LRRFIP2: variants seen among roughly 807,000 people sequenced by gnomAD.
The protein encoded by LRRFIP2 is leucine-rich repeat flightless-interacting protein 2.
LRRFIP2 carries 109 observed loss-of-function variants against 125.9 expected under a neutral mutation model. The observed-to-expected ratio is 0.87, with a 90% CI of 0.74 to 1.01. The LOEUF (loss-of-function observed/expected upper bound fraction) is 1.01, where lower values mean the gene tolerates loss of function less well. Among genes scored for constraint, LRRFIP2 ranks in the 50% least tolerant of loss-of-function variants. The probability of loss-of-function intolerance (pLI) is 0.00; values close to 1 mark genes in which losing one functional copy is unlikely to be tolerated. For synonymous variants in LRRFIP2, 291 were observed against 293.1 expected, an observed-to-expected ratio of 0.99 and a Z score of 0.07; for missense variants, 850 against 862.3, an observed-to-expected ratio of 0.99 and a Z score of 0.18.
intron 21 of LRRFIP2, among the ~76,000 whole-genome samples, 173 bp downstream of exon 21, chr3:37,072,617 C>T (rs1245315139): frequency 2.0e-5 from 3 of 151,886 alleles, no homozygotes; most frequent in African/African-American, 7.3e-5. Context: ...AGAGTTCTTC[C>T]AGGCACAACG....
intron 1 of LRRFIP2, among the ~76,000 whole-genome samples, chr3:37,168,227 T>G (rs57573958): frequency 0.031 from 4,714 of 152,192 alleles, 234 homozygotes; most frequent in African/African-American, 0.1. Context: ...AAACAGACAT[T>G]TGCATACTCA....
chr3:37,119,349 T>C (rs575489238), intron 6 of LRRFIP2, among the ~76,000 whole-genome samples: 28 of 152,340 alleles, frequency 1.8e-4, no homozygotes, highest in Admixed American at 1.5e-3. Flanking sequence ...CATTCTGGTA[T>C]ATAGTTATTA....
chr3:37,065,712 C>A, intron 23 of LRRFIP2, 98 bp downstream of exon 23: 2 of 1,458,566 alleles, frequency 1.4e-6, no homozygotes, highest in Non-Finnish European at 1.9e-6. Flanking sequence ...TGAGTCTCAG[C>A]CCTTATGCTG....
chr3:37,087,553 T>C (rs772760773), intron 18 of LRRFIP2, among the ~76,000 whole-genome samples: 3 of 152,202 alleles, frequency 2.0e-5, no homozygotes, highest in Non-Finnish European at 4.4e-5. Context: ...CTCACTCACA[T>C]AGTGATACCC....
intron 2 of LRRFIP2, among the ~76,000 whole-genome samples, chr3:37,132,870 C>T (rs2095462986): frequency 6.6e-6 from 1 of 152,146 alleles, no homozygotes; most frequent in South Asian, 2.1e-4. Context: ...TTTTAATATA[C>T]ACCTCATACA....
rs776532952 is a variant in LRRFIP2, at chr3:37,148,985, T to G, written c.-2A>C. 1 of 1,613,902 alleles carries G rather than the reference T, an allele frequency of 6.2e-7. No homozygotes were observed. Among genetic ancestry groups the G allele is most frequent in the African/African-American group, 1.3e-5 (1 of 74,944 alleles). On this transcript the variant is annotated 5_prime_UTR_variant, in exon 2 of 28. Transcript: ENST00000336686. The stretch of plus-strand genomic sequence containing the variant: ...CCTTCCAGAAGCAGGAGTCCCCATC[T>G]TGTGTTCTTAATAGTCTTTTAACTT...
At position 37,053,969 on chromosome 3, in the gene LRRFIP2, C is replaced by T. The variant is rs1417260873; in HGVS notation, c.2056-8G>A. ...GTCCAGTGCTGTTCGTAACTGGAGA[C>T]AGGGAGAATGCAGTCACTACATGTG... On this transcript the variant is annotated splice_region_variant and splice_polypyrimidine_tract_variant and intron_variant, in intron 27 of 27. Transcript: ENST00000336686. 2.0e-6 allele frequency: 3 copies of T among 1,505,918 alleles called. No individual in the cohort carries two copies. The highest frequency in any genetic ancestry group is 1.7e-4 in the Middle Eastern group (1 of 5,874). The allele number at this position is 1,505,918 out of a possible 1,614,324, so 93.3% of individuals were successfully genotyped here.
At chr3:37,110,433 G>A (rs2094507760) in intron 9 of LRRFIP2, among the ~76,000 whole-genome samples, 1 of 152,126 alleles carries the variant, frequency 6.6e-6, no homozygotes. Context: ...TATTTTAAAT[G>A]TACTGTGTGC....
intron 15 of LRRFIP2, among the ~76,000 whole-genome samples, chr3:37,097,083 A>G (rs779097357): frequency 6.6e-6 from 1 of 152,100 alleles, no homozygotes; most frequent in Non-Finnish European, 1.5e-5. Flanking sequence ...GATAAAGACT[A>G]GTACACTCAG....
chr3:37,129,802 AG>A lies in LRRFIP2; in HGVS notation c.91-654del, dbSNP rs148488736. ...GAGGCCAAGAGTTTGAGACCAGCTT[AG>A]GCAACATGATGAAACCCTGTCTCTA... On this transcript the variant is annotated intron_variant, in intron 2 of 27. Coordinates refer to ENST00000336686, the MANE Select transcript of LRRFIP2 (RefSeq NM_006309.4). Among the ~76,000 whole-genome samples the A allele has an allele frequency of 9.1e-3, 1,385 of 152,238 alleles. 25 individuals carry two copies. Among genetic ancestry groups the A allele is most frequent in the African/African-American group, 0.032 (1,323 of 41,548 alleles).
intron 23 of LRRFIP2, chr3:37,065,224 A>G: frequency 5.5e-6 from 1 of 181,262 alleles, no homozygotes; most frequent in South Asian, 1.3e-4. Flanking sequence ...TTTCTCAGAC[A>G]GAGGTGTCAG....
chr3:37,105,183 A>G (rs1292630059), intron 14 of LRRFIP2, among the ~76,000 whole-genome samples: 1 of 152,356 alleles, frequency 6.6e-6, no homozygotes, highest in South Asian at 2.1e-4. Context: ...TATGTGCATA[A>G]AACAGCAACA....
Position 37,072,900 on chromosome 3 carries a change from A to T in LRRFIP2, c.1372-18T>A, listed in dbSNP as rs374777939. The T allele has an allele frequency of 2.4e-5, 37 of 1,526,790 alleles. No homozygotes were observed. Among genetic ancestry groups the T allele is most frequent in the Non-Finnish European group, 3.1e-5 (34 of 1,108,518 alleles). 94.6% of individuals were successfully genotyped at this position (1,526,790 alleles called of 1,614,324 possible). A position where few individuals can be genotyped will look rare whatever the true frequency, so the allele number is the denominator to read the frequency against. On this transcript the variant is annotated intron_variant, in intron 20 of 27. Coordinates refer to ENST00000336686, the MANE Select transcript of LRRFIP2 (RefSeq NM_006309.4). Reference sequence around the variant, plus strand: ...TGCTTCTCCTGCAGAGGAAGAGGGGAAGAGAAGTAATAAAAGAGCAGAAAG... The same window carrying T: ...TGCTTCTCCTGCAGAGGAAGAGGGGTAGAGAAGTAATAAAAGAGCAGAAAG...
At chr3:37,149,139 C>G (rs1199839733) in intron 1 of LRRFIP2, 101 bp from the exon 2 acceptor site, 1 of 798,560 alleles carries the variant, frequency 1.3e-6, no homozygotes, top group Admixed American at 3.3e-5. Flanking sequence ...CACCAAATAC[C>G]TCTTCCCACT....
intron 1 of LRRFIP2, among the ~76,000 whole-genome samples, chr3:37,151,129 C>T (rs746341370): frequency 1.4e-4 from 21 of 152,080 alleles, no homozygotes; most frequent in Non-Finnish European, 2.5e-4. Context: ...GAGGCCAAGG[C>T]GGGCAAATCA....
intron 1 of LRRFIP2, among the ~76,000 whole-genome samples, chr3:37,157,571 GA>G (rs955616030): frequency 6.6e-6 from 1 of 152,036 alleles, no homozygotes; most frequent in Non-Finnish European, 1.5e-5. Context: ...GGGAAAAGAG[GA>G]AGGAGGGAGG....
In LRRFIP2 at chr3:37,060,102, T is replaced by A. The variant is rs530656254; in HGVS notation, c.1750-1192A>T. 8.5e-5 allele frequency among the ~76,000 whole-genome samples: 13 copies of A among 152,186 alleles called. No individual in the cohort carries two copies. The East Asian group carries it at 2.5e-3, about 29-fold the overall frequency. ...TCCTCTGCAGTCTTCCTCACAAGGG[T>A]CTGTACGACCACTAACCTTCATCTC... is the stretch of plus-strand genomic sequence containing the variant. On this transcript the variant is annotated intron_variant, in intron 24 of 27. Transcript: ENST00000336686. The surrounding 1 kb of genome is among the most constrained non-coding windows in gnomAD (Gnocchi z 4.1).
At position 37,103,029 on chromosome 3, in the gene LRRFIP2, A is replaced by T. The variant is rs1341615268; in HGVS notation, c.784-16T>A. 4 of 1,535,066 alleles carry T rather than the reference A, an allele frequency of 2.6e-6. No individual in the cohort carries two copies. The East Asian group carries it at 9.7e-5, about 37-fold the overall frequency. ...CGGCAGATACCTTTCGGTCAGAAAA[A>T]AAACAAGATGCTTTCAAGGTTAAGA... On this transcript the variant is annotated splice_polypyrimidine_tract_variant and intron_variant, in intron 14 of 27. Coordinates refer to ENST00000336686, the MANE Select transcript of LRRFIP2 (RefSeq NM_006309.4).
chr3:37,101,774 G>A (rs1258637405), intron 15 of LRRFIP2, among the ~76,000 whole-genome samples: 2 of 152,046 alleles, frequency 1.3e-5, no homozygotes. Flanking sequence ...CTTGGTCCAT[G>A]GGCAAAACAA....
Sources: gnomAD v4.1 joint callset for allele counts (sites outside exome capture counted in the v4.1 genomes callset) on GRCh38, gnomAD v4.1.1 for gene constraint, Gnocchi (gnomAD v3.1) non-coding constraint, MANE v1.5 for transcripts, NCBI Gene and HGNC (gene_info 2026-07-23, HGNC 2026-07-21) for gene names.